Variants in LRRC49 observed in about 807,000 individuals in gnomAD.
The protein encoded by LRRC49 is leucine-rich repeat-containing protein 49.
In LRRC49, 50 loss-of-function variants were observed where a neutral mutation model predicts 83.3. That is an observed-to-expected ratio of 0.60 (90% confidence interval 0.48 to 0.76). The LOEUF is 0.76. Among genes scored for constraint, LRRC49 ranks in the 30% least tolerant of loss-of-function variants. The pLI is 0.00. For missense variants in LRRC49, 704 were observed against 809.1 expected (o/e 0.87, Z 1.58); for synonymous variants, 286 against 283.3 (o/e 1.01, Z -0.10).
chr15:70,880,373 C>T (rs1278048599), intron 2 of LRRC49, among the ~76,000 whole-genome samples: 1 of 152,158 alleles, frequency 6.6e-6, no homozygotes, highest in African/African-American at 2.4e-5. Context: ...AGGACAGAAT[C>T]TTTGTCTTAA....
At chr15:70,885,908 C>T (rs1401326795) in intron 2 of LRRC49, among the ~76,000 whole-genome samples, 2 of 152,066 alleles carry the variant, frequency 1.3e-5, no homozygotes, top group Non-Finnish European at 2.9e-5. Flanking sequence ...ACATATGGAA[C>T]ATTTAAAAAA....
intron 15 of LRRC49, chr15:71,048,687 T>A: frequency 4.8e-6 from 2 of 417,164 alleles, no homozygotes; most frequent in Admixed American, 6.0e-5. Flanking sequence ...AAAATCACTT[T>A]GTTTTAGTCT....
At chr15:70,872,748 C>G (rs976718046) in intron 1 of LRRC49, among the ~76,000 whole-genome samples, 3 of 152,062 alleles carry the variant, frequency 2.0e-5, no homozygotes, top group Admixed American at 2.0e-4. Context: ...AGAAAGCTCT[C>G]ATATCCACTG....
At chr15:71,016,826 C>A (rs1255973972) in intron 14 of LRRC49, among the ~76,000 whole-genome samples, 3 of 151,958 alleles carry the variant, frequency 2.0e-5, no homozygotes, top group Non-Finnish European at 4.4e-5. Flanking sequence ...TGGGAACAGG[C>A]CTGGCATGGT....
intron 1 of LRRC49, among the ~76,000 whole-genome samples, chr15:70,860,639 G>A (rs2032767345): frequency 6.6e-6 from 1 of 152,022 alleles, no homozygotes; most frequent in Non-Finnish European, 1.5e-5. Flanking sequence ...TCTAACTCTT[G>A]GCCTCCCAAA....
upstream of LRRC49, chr15:70,891,823 C>T (rs1384325674): frequency 7.8e-6 from 12 of 1,536,728 alleles, no homozygotes; most frequent in Non-Finnish European, 1.0e-5. Context: ...CCTTACACAA[C>T]CTTCGGTGGT....
chr15:70,897,438 A>G (rs964378705), intron 3 of LRRC49, among the ~76,000 whole-genome samples: 5 of 152,166 alleles, frequency 3.3e-5, no homozygotes, highest in Non-Finnish European at 5.9e-5. Context: ...TTAAATGTGT[A>G]CCTGGTTACT....
chr15:70,991,456 C>T (rs953035752), intron 11 of LRRC49, among the ~76,000 whole-genome samples: 7 of 152,162 alleles, frequency 4.6e-5, no homozygotes, highest in Non-Finnish European at 1.0e-4. Context: ...TATATTCTTC[C>T]TGCCATATAC....
intron 6 of LRRC49, among the ~76,000 whole-genome samples, chr15:70,912,931 C>T (rs1447990119): frequency 1.3e-5 from 2 of 152,212 alleles, no homozygotes; most frequent in African/African-American, 4.8e-5. Flanking sequence ...CCTGCCTCGG[C>T]CTCCCAAAGT....
intron 7 of LRRC49, among the ~76,000 whole-genome samples, chr15:70,928,982 T>A (rs896876066): frequency 6.6e-6 from 1 of 152,224 alleles, no homozygotes; most frequent in Admixed American, 6.5e-5. Context: ...ACCTTTTCAT[T>A]CTATTCTTTG....
chr15:71,017,679 T>C (rs2038868765), intron 14 of LRRC49, among the ~76,000 whole-genome samples: 1 of 152,218 alleles, frequency 6.6e-6, no homozygotes, highest in African/African-American at 2.4e-5. Context: ...CCAATGAGAT[T>C]GACTTAAAAA....
chr15:70,977,489 A>G (rs1053165945), intron 9 of LRRC49, among the ~76,000 whole-genome samples: 1 of 152,124 alleles, frequency 6.6e-6, no homozygotes, highest in South Asian at 2.1e-4. Flanking sequence ...TACTAAAAAT[A>G]CAAAAATTAG....
intron 8 of LRRC49, among the ~76,000 whole-genome samples, chr15:70,961,317 C>T (rs2036594651): frequency 6.6e-6 from 1 of 152,148 alleles, no homozygotes; most frequent in South Asian, 2.1e-4. Context: ...GATACAGCCA[C>T]TTTGGAAGAT....
At chr15:70,859,579 G>A in intron 1 of LRRC49, 1 of 656,980 alleles carries the variant, frequency 1.5e-6, no homozygotes. Flanking sequence ...ATGAGGAGCT[G>A]CAGACGCTGG....
At chr15:70,911,310 T>C (rs2034540360) in intron 5 of LRRC49, among the ~76,000 whole-genome samples, 1 of 152,226 alleles carries the variant, frequency 6.6e-6, no homozygotes, top group Non-Finnish European at 1.5e-5. Context: ...GATTGCTCTT[T>C]TCTAATGATG....
rs148552908 is a variant in LRRC49 at position 71,010,910 on chromosome 15, C to T, written c.1593+918C>T. Among the ~76,000 whole-genome samples the T allele has an allele frequency of 3.2e-3, 488 of 152,170 alleles. 2 individuals are homozygous for T. Among genetic ancestry groups the T allele is most frequent in the Non-Finnish European group, 5.4e-3 (366 of 67,958 alleles). ...AGATTAACTGTAATCAACTTTCTGG[C>T]ACAGTAACTGTGTTTCCCTGCAGCT... On this transcript the variant is annotated intron_variant, in intron 13 of 15. Coordinates refer to ENST00000260382, the MANE Select transcript of LRRC49 (RefSeq NM_017691.5).
chr15:70,901,774 T>A (rs1396483809), intron 4 of LRRC49, among the ~76,000 whole-genome samples: 1 of 152,220 alleles, frequency 6.6e-6, no homozygotes, highest in Non-Finnish European at 1.5e-5. Context: ...TCTGTATTAT[T>A]GGTATTTAGA....
At chr15:70,893,510 G>T in intron 1 of LRRC49, 74 bp from the exon 2 acceptor site, 2 of 847,880 alleles carry the variant, frequency 2.4e-6, no homozygotes, top group Non-Finnish European at 3.8e-6. Context: ...ATTTCTGTTT[G>T]TACCTTTTTT....
intron 11 of LRRC49, among the ~76,000 whole-genome samples, chr15:70,988,775 C>T (rs1259327786): frequency 1.8e-4 from 27 of 152,052 alleles, no homozygotes; most frequent in African/African-American, 3.6e-4. Flanking sequence ...TGGCTGGTAC[C>T]GGTTGTTCCT....
Sources: gnomAD v4.1 joint callset for allele counts (sites outside exome capture counted in the v4.1 genomes callset) on GRCh38, gnomAD v4.1.1 for gene constraint, MANE v1.5 for transcripts, NCBI Gene and HGNC (gene_info 2026-07-23, HGNC 2026-07-21) for gene names.